PDE3A: variants seen among roughly 807,000 people sequenced by gnomAD.
PDE3A encodes the protein cGMP-inhibited 3',5'-cyclic phosphodiesterase 3A.
Under a neutral mutation model 98.3 loss-of-function variants are expected in PDE3A, and 43 were observed. That is an observed-to-expected ratio of 0.44 (90% CI 0.34 to 0.56). The LOEUF (loss-of-function observed/expected upper bound fraction) is 0.56. PDE3A is among the 20% of genes least tolerant of loss of function. The pLI is 0.01. For missense variants in PDE3A, 1,427 were observed against 1,440.7 expected, an observed-to-expected ratio of 0.99 and a Z score of 0.15; for synonymous variants, 663 against 567.9, an observed-to-expected ratio of 1.17 and a Z score of -2.38.
At chr12:20,398,503 T>C (rs1944061635) in intron 1 of PDE3A, among the ~76,000 whole-genome samples, 1 of 152,060 alleles carries the variant, frequency 6.6e-6, no homozygotes, top group African/African-American at 2.4e-5. Flanking sequence ...CATATTTTCA[T>C]AAATATGAAA....
intron 1 of PDE3A, among the ~76,000 whole-genome samples, chr12:20,547,235 A>AC (rs1313721795): frequency 1.3e-5 from 2 of 151,720 alleles, no homozygotes; most frequent in African/African-American, 2.4e-5. Flanking sequence ...ACCATCCATT[A>AC]CCCCCACTTG....
Position 20,402,410 on chromosome 12 carries a change from A to G in PDE3A, c.960+32166A>G, listed in dbSNP as rs555179655. ...GTGATCCACCTGCCTTGGCCTCCCA[A>G]AATGCTGAGATTATAGTTGTGAGCC... On this transcript the variant is annotated intron_variant, in intron 1 of 15. Transcript: ENST00000359062. Among the ~76,000 whole-genome samples the G allele has an allele frequency of 7.9e-5, 12 of 152,134 alleles. No homozygotes were observed. The East Asian group carries it at 2.3e-3, about 30-fold the overall frequency.
intron 10 of PDE3A, among the ~76,000 whole-genome samples, chr12:20,645,772 G>A (rs1450445499): frequency 2.0e-5 from 3 of 152,008 alleles, no homozygotes; most frequent in African/African-American, 7.2e-5. Context: ...GCATTATCTG[G>A]TTAATGGCAT....
chr12:20,473,162 C>A (rs1945470213), intron 1 of PDE3A, among the ~76,000 whole-genome samples: 2 of 152,036 alleles, frequency 1.3e-5, no homozygotes, highest in Non-Finnish European at 2.9e-5. Context: ...ATATTATGCA[C>A]ATGAAAGAGT....
chr12:20,541,630 C>T (rs1163593469), intron 1 of PDE3A, among the ~76,000 whole-genome samples: 3 of 151,892 alleles, frequency 2.0e-5, no homozygotes, highest in African/African-American at 7.3e-5. Context: ...TTCCTTTTTC[C>T]TTGCCACATC....
intron 2 of PDE3A, among the ~76,000 whole-genome samples, chr12:20,595,193 C>T (rs1943435891): frequency 6.6e-6 from 1 of 152,124 alleles, no homozygotes; most frequent in Non-Finnish European, 1.5e-5. Flanking sequence ...TACTCTGCTA[C>T]TGTCTATAGT....
intron 5 of PDE3A, among the ~76,000 whole-genome samples, chr12:20,629,462 C>T (rs1426085188): frequency 6.6e-6 from 1 of 152,166 alleles, no homozygotes; most frequent in Non-Finnish European, 1.5e-5. Context: ...CATCTGATGC[C>T]TGCTGAACTC....
intron 1 of PDE3A, among the ~76,000 whole-genome samples, chr12:20,518,566 TAA>T (rs5796865): frequency 2.0e-5 from 3 of 151,802 alleles, no homozygotes; most frequent in Middle Eastern, 3.4e-3. Flanking sequence ...ATTCTGTCAT[TAA>T]AAAAAAAGCC....
At chr12:20,503,587 A>G (rs1026606397) in intron 1 of PDE3A, among the ~76,000 whole-genome samples, 4 of 152,076 alleles carry the variant, frequency 2.6e-5, no homozygotes, top group African/African-American at 7.2e-5. Context: ...ATCATTCCCT[A>G]TTATATAGAG....
At chr12:20,545,064 A>G (rs1419186817) in intron 1 of PDE3A, among the ~76,000 whole-genome samples, 1 of 152,096 alleles carries the variant, frequency 6.6e-6, no homozygotes, top group Non-Finnish European at 1.5e-5. Context: ...AAACTTAAGC[A>G]TGAGACTGAT....
intron 1 of PDE3A, among the ~76,000 whole-genome samples, chr12:20,397,364 G>T (rs1295349510): frequency 6.6e-6 from 1 of 151,832 alleles, no homozygotes; most frequent in South Asian, 2.1e-4. Context: ...GTTAATTTTT[G>T]CCAGAAGAAG....
Position 20,566,709 on chromosome 12 carries a change from A to G in PDE3A, c.1011+9999A>G, listed in dbSNP as rs965864559. On this transcript the variant is annotated intron_variant, in intron 2 of 15. Coordinates refer to ENST00000359062, the MANE Select transcript of PDE3A (RefSeq NM_000921.5). ...AAGAAGTTGTCTATCAAAGATGATG[A>G]TTGGAAAATATAGAAAAGACCATCT... Among the ~76,000 whole-genome samples, 6 of 152,058 alleles carry G rather than the reference A, an allele frequency of 3.9e-5. 1 individual carries two copies. In the South Asian group the frequency reaches 1.2e-3, roughly 32 times the overall value.
At chr12:20,406,910 G>A (rs1206040360) in intron 1 of PDE3A, among the ~76,000 whole-genome samples, 1 of 152,112 alleles carries the variant, frequency 6.6e-6, no homozygotes, top group Non-Finnish European at 1.5e-5. Flanking sequence ...ATTTTTGTGT[G>A]TATGGATATA....
intron 1 of PDE3A, among the ~76,000 whole-genome samples, chr12:20,535,548 A>G (rs771949061): frequency 6.6e-6 from 1 of 152,168 alleles, no homozygotes; most frequent in Non-Finnish European, 1.5e-5. Flanking sequence ...CCAGAAGGTT[A>G]TTTTGAGGAT....
At chr12:20,601,719 A>G (rs1592099165) in intron 2 of PDE3A, among the ~76,000 whole-genome samples, 1 of 151,974 alleles carries the variant, frequency 6.6e-6, no homozygotes, top group East Asian at 1.9e-4. Context: ...CACATTTTAA[A>G]TTTTTTATTT....
intron 1 of PDE3A, among the ~76,000 whole-genome samples, chr12:20,386,019 A>C (rs1194180351): frequency 2.5e-5 from 2 of 79,242 alleles, no homozygotes; most frequent in African/African-American, 1.2e-4. Context: ...TATATATAAA[A>C]TATATATATA....
At chr12:20,605,520 ATG>A (rs1399552912) in intron 2 of PDE3A, among the ~76,000 whole-genome samples, 1 of 151,486 alleles carries the variant, frequency 6.6e-6, no homozygotes, top group Non-Finnish European at 1.5e-5. Flanking sequence ...GGGGGTGTGT[ATG>A]TGTGTGTGTG....
At chr12:20,431,605 AC>A (rs1346655574) in intron 1 of PDE3A, among the ~76,000 whole-genome samples, 1 of 151,230 alleles carries the variant, frequency 6.6e-6, no homozygotes, top group Admixed American at 6.6e-5. Flanking sequence ...ACACACACAC[AC>A]ACACACACAC....
intron 2 of PDE3A, among the ~76,000 whole-genome samples, chr12:20,590,342 C>T (rs1943307436): frequency 1.3e-5 from 2 of 148,516 alleles, no homozygotes; most frequent in Admixed American, 1.4e-4. Flanking sequence ...CTTCTCTCAA[C>T]TGCAGGGGAA....
Sources: allele counts gnomAD v4.1 joint callset (sites outside exome capture counted in the v4.1 genomes callset), GRCh38; gene constraint gnomAD v4.1.1; transcripts MANE v1.5; gene names NCBI Gene and HGNC (gene_info 2026-07-23, HGNC 2026-07-21).